ZNF777: variants seen among roughly 807,000 people sequenced by gnomAD.
ZNF777 encodes zinc finger protein 777.
Under a neutral mutation model 72.1 loss-of-function variants are expected in ZNF777, and 7 were observed. The observed-to-expected ratio is 0.10, with a 90% confidence interval of 0.06 to 0.18. The LOEUF (loss-of-function observed/expected upper bound fraction) is 0.18, where lower values mean the gene tolerates loss of function less well. Ranked by LOEUF, ZNF777 falls within the 10% of genes least tolerant of loss-of-function variation. ZNF777 has a pLI of 1.00. For missense variants in ZNF777, 828 were observed against 1,128.6 expected (o/e 0.73, Z 3.82); for synonymous variants, 545 against 483.5 (o/e 1.13, Z -1.67).
chr7:149,433,523 T>TG (rs1283674596), intron 5 of ZNF777, among the ~76,000 whole-genome samples: 1 of 152,198 alleles, frequency 6.6e-6, no homozygotes, highest in African/African-American at 2.4e-5. Context: ...TTAATCCACT[T>TG]GGAGATTTCT....
rs908595828 is a variant in ZNF777, at chr7:149,451,781, G to A, written c.974-669C>T. On this transcript the variant is annotated intron_variant, in intron 3 of 5. Coordinates refer to ENST00000247930, the MANE Select transcript of ZNF777 (RefSeq NM_015694.3). ...TTTTCTTACATAAAATAAGTCTGCA[G>A]TTCTTTGGAAATAAAGTTAAAAGAT... 5.9e-5 allele frequency among the ~76,000 whole-genome samples: 9 copies of A among 152,146 alleles called. No homozygotes were observed. The East Asian group carries it at 9.6e-4, about 16-fold the overall frequency.
rs764727060 is a variant in ZNF777 at position 149,455,589 on chromosome 7, G to A, written c.434C>T (p.Thr145Ile). The A allele has an allele frequency of 6.2e-7, 1 of 1,613,202 alleles. No individual in the cohort carries two copies. Among genetic ancestry groups the A allele is most frequent in the Non-Finnish European group, 8.5e-7 (1 of 1,179,778 alleles). ...CGGGTCCATGTCAGTCTCGGGAACT[G>A]TTGGGGAAAGGGTCAGGGGGTCTTT... The part of the protein sequence containing the change: ...PEKDPLTLSP[T>I]VPETDMDPLL... Residue 145 changes from threonine to isoleucine, a missense_variant, in exon 2 of 6, where the codon ACA (threonine) becomes ATA (isoleucine). Physicochemically the swap from Thr to Ile is moderately conservative, Grantham distance 89. Transcript: ENST00000247930. This position sits in a 1 kb window ranked among gnomAD's most constrained non-coding sequence, Gnocchi z 4.2.
chr7:149,446,572 T>A (rs77915676), intron 4 of ZNF777, among the ~76,000 whole-genome samples: 2,307 of 152,290 alleles, frequency 0.015, 38 homozygotes, highest in Non-Finnish European at 0.024. Context: ...TTTTTTTTAA[T>A]CTACTTTTGC....
At chr7:149,444,544 T>C (rs1469154358) in intron 4 of ZNF777, among the ~76,000 whole-genome samples, 1 of 152,226 alleles carries the variant, frequency 6.6e-6, no homozygotes, top group African/African-American at 2.4e-5. Context: ...CTTGGTTTAC[T>C]TCCTCATTTT....
intron 4 of ZNF777, among the ~76,000 whole-genome samples, chr7:149,438,393 A>T (rs1799453623): frequency 6.6e-6 from 1 of 152,242 alleles, no homozygotes; most frequent in African/African-American, 2.4e-5. Flanking sequence ...TTTCCCTAAC[A>T]GAAGAACATT....
rs1799343993 is a variant in ZNF777, at chr7:149,432,797, G to A, written c.1475C>T (p.Pro492Leu). ...CTCGCCCTCGGGGGACATCTCCCCG[G>A]GCAGCGGGGTCTGGTACATACTGGC... ...YEASMYQTPL[P>L]GEMSPEGEES... The change falls in exon 6 of 6, where the codon CCC becomes CTC. Residue 492 changes from proline to leucine, a missense_variant. Pro to Leu is a moderately conservative substitution (Grantham distance 98, BLOSUM62 -3). Around this residue, in one of 12 missense-constraint regions of ZNF777, gnomAD observed 219 missense variants for 223.0 expected, o/e 0.98. Coordinates refer to ENST00000247930, the MANE Select transcript of ZNF777 (RefSeq NM_015694.3). The A allele has an allele frequency of 1.9e-6, 3 of 1,608,116 alleles. No individual in the cohort carries two copies. The highest frequency in any genetic ancestry group is 2.2e-5 in the East Asian group (1 of 44,716).
intron 3 of ZNF777, among the ~76,000 whole-genome samples, chr7:149,451,561 G>A (rs1799717366): frequency 1.3e-5 from 2 of 151,842 alleles, no homozygotes; most frequent in South Asian, 2.1e-4. Context: ...GCGTGGTGGC[G>A]GATGCCTGTA....
In ZNF777 at chr7:149,455,754, T is replaced by C. The variant is rs1799815705; in HGVS notation, c.269A>G (p.Glu90Gly). Residue 90 changes from glutamate to glycine, a missense_variant, in exon 2 of 6, where the codon GAG becomes GGG. Physicochemically the swap from Glu to Gly is moderately conservative, Grantham distance 98 (BLOSUM62 -2). Transcript: ENST00000247930. The surrounding 1 kb of genome is among the most constrained non-coding windows in gnomAD (Gnocchi z 4.2). ...AGCCAGGGGGCCCTGGAGAGAAGTC[T>C]CTTGCTCAGAAGCGGCAGAACACAG... ...SLLCSAASEQ[E>G]TSLQGPLASQ... 2 of 1,595,714 alleles carry C rather than the reference T, an allele frequency of 1.3e-6. No individual in the cohort carries two copies. Among genetic ancestry groups the C allele is most frequent in the Admixed American group, 1.7e-5 (1 of 57,576 alleles).
chr7:149,449,096 G>A (rs1261176207), intron 4 of ZNF777, among the ~76,000 whole-genome samples: 2 of 152,218 alleles, frequency 1.3e-5, no homozygotes, highest in Non-Finnish European at 2.9e-5. Flanking sequence ...CCACTGGAGT[G>A]CTACGGCTCT....
At chr7:149,448,209 T>G (rs1012776243) in intron 4 of ZNF777, among the ~76,000 whole-genome samples, 4 of 152,028 alleles carry the variant, frequency 2.6e-5, no homozygotes, top group African/African-American at 4.8e-5. Flanking sequence ...TTCATGCCTT[T>G]AATCCCAACA....
intron 4 of ZNF777, among the ~76,000 whole-genome samples, chr7:149,448,718 G>A (rs996385089): frequency 6.6e-6 from 1 of 151,340 alleles, no homozygotes; most frequent in Non-Finnish European, 1.5e-5. Flanking sequence ...ACAGATTTCA[G>A]CCATGCCTTC....
rs1408572070 is a variant in ZNF777 at position 149,431,750 on chromosome 7, C to A, written c.*26G>T. 2.1e-6 allele frequency: 3 copies of A among 1,417,844 alleles called. No individual in the cohort carries two copies. The highest frequency in any genetic ancestry group is 5.8e-5 in the East Asian group (2 of 34,208). 87.8% of individuals were successfully genotyped at this position (1,417,844 alleles called of 1,614,324 possible). A position where few individuals can be genotyped will look rare whatever the true frequency, so the allele number is the denominator to read the frequency against. ...GGGGGGGCACGGCCCGCGCACCTGGCCGGGCGGCGGCGGCGGGGCGCGCGC... is the reference window on the plus strand; with the variant it reads ...GGGGGGGCACGGCCCGCGCACCTGGACGGGCGGCGGCGGCGGGGCGCGCGC... On this transcript the variant is annotated 3_prime_UTR_variant, in exon 6 of 6. Transcript: ENST00000247930.
intron 1 of ZNF777, among the ~76,000 whole-genome samples, chr7:149,456,974 G>A (rs940772): frequency 0.54 from 81,580 of 151,990 alleles, 22,544 homozygotes; most frequent in East Asian, 0.81. Context: ...GTCCATTGCA[G>A]CAGGTGTGCT....
rs1334016961 is a variant in ZNF777 at position 149,440,662 on chromosome 7, G to GT, written c.1088-3837dup. Among the ~76,000 whole-genome samples the GT allele has an allele frequency of 1.9e-3, 237 of 124,608 alleles. 2 individuals are homozygous for GT. Among genetic ancestry groups the GT allele is most frequent in the African/African-American group, 7.5e-3 (230 of 30,698 alleles). The allele number at this position is 124,608 out of a possible 152,430, so 81.7% of individuals were successfully genotyped here. A position where few individuals can be genotyped will look rare whatever the true frequency, so the allele number is the denominator to read the frequency against. On this transcript the variant is annotated intron_variant, in intron 4 of 5. Coordinates refer to ENST00000247930, the MANE Select transcript of ZNF777 (RefSeq NM_015694.3). The stretch of plus-strand genomic sequence containing the variant: ...CATGAGCCACCATGCCCAGCAGCCT[G>GT]TTGTTTTTTTGTTTTTTTTTTTTTT...
At chr7:149,441,819 AG>A (rs1342704882) in intron 4 of ZNF777, among the ~76,000 whole-genome samples, 3 of 152,174 alleles carry the variant, frequency 2.0e-5, no homozygotes, top group African/African-American at 7.2e-5. Flanking sequence ...TTTGTTTTCT[AG>A]GGCAAAAAAT....
intron 4 of ZNF777, among the ~76,000 whole-genome samples, chr7:149,439,806 A>C (rs916947478): frequency 1.3e-5 from 2 of 152,182 alleles, no homozygotes; most frequent in Non-Finnish European, 1.5e-5. Context: ...ATCCTTAGTG[A>C]TTATCACTAT....
At chr7:149,453,071 G>A (rs750325151) in intron 3 of ZNF777, among the ~76,000 whole-genome samples, 3 of 152,102 alleles carry the variant, frequency 2.0e-5, no homozygotes, top group Non-Finnish European at 2.9e-5. Flanking sequence ...ATAAGTAAAC[G>A]GGCCCCTCTG....
intron 4 of ZNF777, among the ~76,000 whole-genome samples, chr7:149,441,500 T>C (rs1799514528): frequency 6.6e-6 from 1 of 152,236 alleles, no homozygotes; most frequent in Admixed American, 6.5e-5. Context: ...GTGCCAAACA[T>C]ATTAAATGTG....
At position 149,432,805 on chromosome 7, in the gene ZNF777, G is replaced by A. The variant is rs375553263; in HGVS notation, c.1467C>T (p.Thr489=). The A allele has an allele frequency of 1.2e-6, 2 of 1,607,252 alleles. No homozygotes were observed. Among genetic ancestry groups the A allele is most frequent in the Admixed American group, 1.7e-5 (1 of 59,672 alleles). ...SGRYEASMYQ[T]PLPGEMSPEG... ...CGGGGGACATCTCCCCGGGCAGCGG[G>A]GTCTGGTACATACTGGCCTCATATC... The change falls in exon 6 of 6, where the codon ACC becomes ACT. Residue 489 remains threonine, a synonymous_variant. Coordinates refer to ENST00000247930, the MANE Select transcript of ZNF777 (RefSeq NM_015694.3).
Sources: allele counts gnomAD v4.1 joint callset (sites outside exome capture counted in the v4.1 genomes callset), GRCh38; gene constraint gnomAD v4.1.1; regional missense constraint gnomAD v4.1.1; non-coding constraint Gnocchi (gnomAD v3.1); transcripts MANE v1.5; gene names NCBI Gene and HGNC (gene_info 2026-07-23, HGNC 2026-07-21).